BMPR1B: variants seen among roughly 807,000 people sequenced by gnomAD.
BMPR1B encodes the protein bone morphogenetic protein receptor type 1B, also known as bone morphogenetic protein receptor type-1B.
Under a neutral mutation model 59.1 loss-of-function variants are expected in BMPR1B, and 12 were observed. That is an observed-to-expected ratio of 0.20 (90% CI 0.13 to 0.33). BMPR1B has a LOEUF of 0.33. Among genes scored for constraint, BMPR1B ranks in the 10% least tolerant of loss-of-function variants. BMPR1B has a pLI of 1.00. For synonymous variants in BMPR1B, 237 were observed against 207.3 expected (o/e 1.14, Z -1.23); for missense variants, 550 against 610.9 (o/e 0.90, Z 1.05).
At chr4:94,900,255 C>T (rs1727758489) in intron 2 of BMPR1B, among the ~76,000 whole-genome samples, 1 of 149,568 alleles carries the variant, frequency 6.7e-6, no homozygotes, top group Non-Finnish European at 1.5e-5. Context: ...TTGTGTATAA[C>T]TTGAACCTAA....
At chr4:95,046,118 T>G (rs1174796269) in intron 3 of BMPR1B, among the ~76,000 whole-genome samples, 2 of 152,286 alleles carry the variant, frequency 1.3e-5, no homozygotes, top group East Asian at 3.9e-4. Context: ...TTGCCCAGGC[T>G]AGTCTCGAAC....
chr4:95,066,277 T>C (rs757377917), intron 3 of BMPR1B, among the ~76,000 whole-genome samples: 3 of 152,226 alleles, frequency 2.0e-5, no homozygotes, highest in Non-Finnish European at 2.9e-5. Context: ...TTGCCTGTAC[T>C]GACAAGCCCT....
In BMPR1B at chr4:94,920,567, A is replaced by G. The variant is rs767307781; in HGVS notation, c.-113+44667A>G. On this transcript the variant is annotated intron_variant, in intron 2 of 12. Coordinates refer to ENST00000515059, the MANE Select transcript of BMPR1B (RefSeq NM_001203.3). ...GCTCAGTGTGGGATCTGCATCCCTG[A>G]CTGGGGAAGCCCCATGTTAAAGGAC... Among the ~76,000 whole-genome samples the G allele has an allele frequency of 2.4e-3, 368 of 152,286 alleles. 1 individual carries two copies. Among genetic ancestry groups the G allele is most frequent in the Non-Finnish European group, 4.0e-3 (271 of 68,020 alleles).
rs1243467321 is a variant in BMPR1B at position 95,112,922 on chromosome 4, T to C, written c.144-1798T>C. Among the ~76,000 whole-genome samples the C allele has an allele frequency of 3.3e-5, 5 of 152,110 alleles. No homozygotes were observed. In the East Asian group the frequency reaches 9.6e-4, roughly 29 times the overall value. The stretch of plus-strand genomic sequence containing the variant: ...AACCCATGATAAGGAGAAATTAGTC[T>C]TTAGATTTAATTTAGGGTACTTCTC... On this transcript the variant is annotated intron_variant, in intron 4 of 12. Transcript: ENST00000515059.
intron 3 of BMPR1B, among the ~76,000 whole-genome samples, chr4:95,059,552 C>A (rs892584204): frequency 6.6e-6 from 1 of 151,794 alleles, no homozygotes. Context: ...GCATATATAC[C>A]AAACAGTTTA....
At chr4:94,794,152 G>A (rs1233983270) in intron 1 of BMPR1B, among the ~76,000 whole-genome samples, 1 of 142,406 alleles carries the variant, frequency 7.0e-6, no homozygotes, top group Non-Finnish European at 1.5e-5. Context: ...ATGGTTTTAG[G>A]TCTAAGGTTT....
At chr4:95,062,366 A>T (rs1192315624) in intron 3 of BMPR1B, among the ~76,000 whole-genome samples, 1 of 152,196 alleles carries the variant, frequency 6.6e-6, no homozygotes, top group Admixed American at 6.6e-5. Context: ...TCTATATTCA[A>T]CCACATTTAG....
intron 2 of BMPR1B, among the ~76,000 whole-genome samples, chr4:94,952,208 A>C (rs1360332753): frequency 3.9e-5 from 6 of 152,148 alleles, no homozygotes; most frequent in Non-Finnish European, 8.8e-5. Flanking sequence ...TCAAAACACC[A>C]GCTCCTGGAT....
At chr4:95,053,281 T>TTTGTGTGTGTGTGTGTGTGTGTG (rs947790944) in intron 3 of BMPR1B, among the ~76,000 whole-genome samples, 3 of 134,252 alleles carry the variant, frequency 2.2e-5, no homozygotes, top group African/African-American at 8.3e-5. Context: ...TGCAGGGCAC[T>TTTGTGTGTGTGTGTGTGTGTGTG]TGTGTGTGTG....
chr4:95,151,615 G>A (rs569286708), intron 11 of BMPR1B, among the ~76,000 whole-genome samples: 2 of 152,264 alleles, frequency 1.3e-5, no homozygotes, highest in East Asian at 3.9e-4. Context: ...GAACCTTCTG[G>A]TCCTTGATGA....
At chr4:95,091,213 G>A (rs968989746) in intron 3 of BMPR1B, among the ~76,000 whole-genome samples, 2 of 151,608 alleles carry the variant, frequency 1.3e-5, no homozygotes, top group Non-Finnish European at 2.9e-5. Flanking sequence ...AACACACTGT[G>A]GTCAGTGACA....
At chr4:95,068,138 G>A (rs908024876) in intron 3 of BMPR1B, among the ~76,000 whole-genome samples, 2 of 152,280 alleles carry the variant, frequency 1.3e-5, no homozygotes, top group South Asian at 2.1e-4. Flanking sequence ...ATGAAGGTTT[G>A]TGTAGACACA....
chr4:95,027,629 T>A (rs1161585867), intron 3 of BMPR1B, among the ~76,000 whole-genome samples: 1 of 152,180 alleles, frequency 6.6e-6, no homozygotes, highest in Non-Finnish European at 1.5e-5. Context: ...ACTTTCCACA[T>A]AGGCAGTCTT....
At chr4:95,004,973 T>G (rs568201824) in intron 3 of BMPR1B, among the ~76,000 whole-genome samples, 238 of 152,334 alleles carry the variant, frequency 1.6e-3, no homozygotes, top group African/African-American at 5.4e-3. Flanking sequence ...TTTAAATTAT[T>G]ATTGGTAGAA....
intron 3 of BMPR1B, among the ~76,000 whole-genome samples, chr4:95,068,943 A>G (rs185801419): frequency 2.6e-4 from 40 of 152,328 alleles, no homozygotes; most frequent in African/African-American, 9.1e-4. Context: ...CATATAATGA[A>G]ACCAATTTTT....
intron 2 of BMPR1B, among the ~76,000 whole-genome samples, chr4:94,915,895 G>A (rs58554231): frequency 0.026 from 4,020 of 152,244 alleles, 104 homozygotes; most frequent in African/African-American, 0.062. Flanking sequence ...GCTTGATGCC[G>A]TCTTCACAAT....
chr4:95,118,228 G>T (rs1033961525), intron 6 of BMPR1B, among the ~76,000 whole-genome samples: 1 of 152,028 alleles, frequency 6.6e-6, no homozygotes, highest in Non-Finnish European at 1.5e-5. Context: ...ACCTTTTTGG[G>T]CCAGCTGTTT....
In BMPR1B at chr4:95,056,546, C is replaced by T. The variant is rs1417635567; in HGVS notation, c.-17-47862C>T. Among the ~76,000 whole-genome samples, 6 of 152,114 alleles carry T rather than the reference C, an allele frequency of 3.9e-5. No homozygotes were observed. In the South Asian group the frequency reaches 8.3e-4, roughly 21 times the overall value. On this transcript the variant is annotated intron_variant, in intron 3 of 12. Coordinates refer to ENST00000515059, the MANE Select transcript of BMPR1B (RefSeq NM_001203.3). Reference sequence around the variant, plus strand: ...ATGGGACCCAGCAGGCCAGGAGGACCGGAACATCTCCTTGTCTATGTCTGT... The same window carrying T: ...ATGGGACCCAGCAGGCCAGGAGGACTGGAACATCTCCTTGTCTATGTCTGT...
At chr4:95,095,590 A>G (rs1730311893) in intron 3 of BMPR1B, among the ~76,000 whole-genome samples, 1 of 152,130 alleles carries the variant, frequency 6.6e-6, no homozygotes, top group African/African-American at 2.4e-5. Flanking sequence ...GAGAATCAAC[A>G]TTTGGTTAAG....
Sources: allele counts gnomAD v4.1 joint callset (sites outside exome capture counted in the v4.1 genomes callset), GRCh38; gene constraint gnomAD v4.1.1; transcripts MANE v1.5; gene names NCBI Gene and HGNC (gene_info 2026-07-23, HGNC 2026-07-21).